CNTNAP5: variants seen among roughly 807,000 people sequenced by gnomAD.
The protein encoded by CNTNAP5 is contactin-associated protein-like 5.
CNTNAP5 carries 72 observed loss-of-function variants against 150.2 expected under a neutral mutation model. The observed-to-expected ratio is 0.48, with a 90% CI of 0.40 to 0.58. The LOEUF is 0.58. CNTNAP5 is among the 20% of genes least tolerant of loss of function. The probability of loss-of-function intolerance (pLI) is 0.00; values close to 1 mark genes in which losing one functional copy is unlikely to be tolerated. For synonymous variants in CNTNAP5, 672 were observed against 619.8 expected (o/e 1.08, Z -1.25); for missense variants, 1,636 against 1,626.2 (o/e 1.01, Z -0.10).
chr2:124,422,741 G>C (rs566978039), intron 4 of CNTNAP5, among the ~76,000 whole-genome samples: 2 of 152,258 alleles, frequency 1.3e-5, no homozygotes, highest in South Asian at 2.1e-4. Flanking sequence ...AGAGCTTCTG[G>C]GCTTGCATGC....
chr2:124,294,357 A>G (rs116453815), intron 3 of CNTNAP5, among the ~76,000 whole-genome samples: 2 of 148,622 alleles, frequency 1.3e-5, no homozygotes, highest in Admixed American at 1.3e-4. Flanking sequence ...TAAAACAGGA[A>G]TTTTTTTTTT....
intron 21 of CNTNAP5, among the ~76,000 whole-genome samples, chr2:124,900,186 G>A (rs1360596008): frequency 6.6e-6 from 1 of 151,364 alleles, no homozygotes; most frequent in Non-Finnish European, 1.5e-5. Context: ...ATAATTCTTC[G>A]ACAACAATTA....
At chr2:124,174,947 A>G (rs1243365118) in intron 1 of CNTNAP5, among the ~76,000 whole-genome samples, 4 of 152,228 alleles carry the variant, frequency 2.6e-5, no homozygotes, top group Non-Finnish European at 4.4e-5. Flanking sequence ...ACCCTCCACC[A>G]GCAAAAACGT....
rs145141467 is a variant in CNTNAP5, at chr2:124,398,871, A to G, written c.382-18572A>G. Among the ~76,000 whole-genome samples, 348 of 152,256 alleles carry G rather than the reference A, an allele frequency of 2.3e-3. 1 individual carries two copies. Among genetic ancestry groups the G allele is most frequent in the African/African-American group, 8.1e-3 (336 of 41,554 alleles). On this transcript the variant is annotated intron_variant, in intron 3 of 23. Transcript: ENST00000682447. ...CAAACAACTGTCTGGAGGCTATTGCAGTGATCCAGGAAGGACACGATGAAG... is the reference window on the plus strand; with the variant it reads ...CAAACAACTGTCTGGAGGCTATTGCGGTGATCCAGGAAGGACACGATGAAG...
chr2:124,315,217 T>A (rs942827746), intron 3 of CNTNAP5, among the ~76,000 whole-genome samples: 1 of 152,290 alleles, frequency 6.6e-6, no homozygotes, highest in South Asian at 2.1e-4. Context: ...TGTCAAGGCC[T>A]TCCAAAGTGC....
At chr2:124,299,215 T>C (rs936397119) in intron 3 of CNTNAP5, among the ~76,000 whole-genome samples, 1 of 152,182 alleles carries the variant, frequency 6.6e-6, no homozygotes, top group African/African-American at 2.4e-5. Context: ...CATATTTTTG[T>C]GGCTCCCCCA....
At chr2:124,657,698 C>G (rs968253759) in intron 13 of CNTNAP5, among the ~76,000 whole-genome samples, 1 of 152,214 alleles carries the variant, frequency 6.6e-6, no homozygotes, top group Admixed American at 6.5e-5. Context: ...AGCCACAGGC[C>G]TCTGCCAGCC....
intron 3 of CNTNAP5, among the ~76,000 whole-genome samples, chr2:124,396,936 G>T (rs747796608): frequency 6.6e-6 from 1 of 152,146 alleles, no homozygotes; most frequent in Non-Finnish European, 1.5e-5. Flanking sequence ...TGCAGAAAAA[G>T]GCCAGTCTTA....
chr2:124,386,726 A>C (rs1229054221), intron 3 of CNTNAP5, among the ~76,000 whole-genome samples: 1 of 146,678 alleles, frequency 6.8e-6, no homozygotes, highest in African/African-American at 2.5e-5. Context: ...GATTATTTCA[A>C]ATGTCTCCCC....
At chr2:124,707,176 A>AGAAGAAGAAGAT (rs1553433702) in intron 13 of CNTNAP5, among the ~76,000 whole-genome samples, 33 of 121,510 alleles carry the variant, frequency 2.7e-4, no homozygotes, top group Non-Finnish European at 4.4e-4. Context: ...AAGAAGAAGA[A>AGAAGAAGAAGAT]GAAGAAGAAG....
At chr2:124,494,879 A>G (rs544684752) in intron 7 of CNTNAP5, among the ~76,000 whole-genome samples, 2 of 152,354 alleles carry the variant, frequency 1.3e-5, no homozygotes, top group East Asian at 3.8e-4. Context: ...AAATAAATTC[A>G]CATACAGAAA....
At chr2:124,709,083 T>C (rs1470391727) in intron 13 of CNTNAP5, among the ~76,000 whole-genome samples, 2 of 152,092 alleles carry the variant, frequency 1.3e-5, no homozygotes, top group Non-Finnish European at 2.9e-5. Context: ...TTGTATTCCA[T>C]ATTTTTTCCT....
rs535359450 is a variant in CNTNAP5, at chr2:124,681,848, C to T, written c.2077+33890C>T. Among the ~76,000 whole-genome samples, 48 of 152,294 alleles carry T rather than the reference C, an allele frequency of 3.2e-4. 2 individuals carry two copies. The South Asian group carries it at 7.7e-3, about 24-fold the overall frequency. On this transcript the variant is annotated intron_variant, in intron 13 of 23. Coordinates refer to ENST00000682447, the MANE Select transcript of CNTNAP5 (RefSeq NM_001367498.1). Reference sequence around the variant, plus strand: ...AATTGCTGGGATTGCAGGCATGAACCACCATGCCAGGCCCTTGTTTTTGTT... The same window carrying T: ...AATTGCTGGGATTGCAGGCATGAACTACCATGCCAGGCCCTTGTTTTTGTT...
intron 3 of CNTNAP5, among the ~76,000 whole-genome samples, chr2:124,319,486 G>A (rs908287199): frequency 1.3e-5 from 2 of 152,174 alleles, no homozygotes; most frequent in Non-Finnish European, 2.9e-5. Flanking sequence ...TTTCAGTGTA[G>A]ACTGGGGTAT....
At chr2:124,043,559 A>G (rs1681446655) in intron 1 of CNTNAP5, among the ~76,000 whole-genome samples, 3 of 151,956 alleles carry the variant, frequency 2.0e-5, no homozygotes, top group Admixed American at 2.0e-4. Flanking sequence ...TTTCCCTTGG[A>G]CTTCCCATCA....
chr2:124,647,447 C>T lies in CNTNAP5; in HGVS notation c.1877-311C>T, dbSNP rs147994111. 5.8e-4 allele frequency among the ~76,000 whole-genome samples: 89 copies of T among 152,318 alleles called. 2 individuals are homozygous for T. In the East Asian group the frequency reaches 0.016, roughly 27 times the overall value. ...GCCTAATTTTCTTTCACATTTTCCT[C>T]ATTTTTGACATAGCGGTATTGCTTC... is the stretch of plus-strand genomic sequence containing the variant. On this transcript the variant is annotated intron_variant, in intron 12 of 23. Transcript: ENST00000682447.
intron 1 of CNTNAP5, among the ~76,000 whole-genome samples, chr2:124,166,042 A>T (rs1014822425): frequency 6.6e-6 from 1 of 152,164 alleles, no homozygotes; most frequent in African/African-American, 2.4e-5. Flanking sequence ...CTAAGACAGA[A>T]TATCATCTAG....
At chr2:124,428,818 T>G (rs985875495) in intron 4 of CNTNAP5, among the ~76,000 whole-genome samples, 2 of 152,100 alleles carry the variant, frequency 1.3e-5, no homozygotes, top group Admixed American at 6.6e-5. Context: ...GAAAGAAATC[T>G]CCACAAGTGT....
chr2:124,185,416 ATGTT>A (rs1469658635), intron 1 of CNTNAP5, among the ~76,000 whole-genome samples: 1 of 152,226 alleles, frequency 6.6e-6, no homozygotes, highest in Non-Finnish European at 1.5e-5. Flanking sequence ...CTCCTAATAA[ATGTT>A]TGATTATCAG....
Sources: allele counts gnomAD v4.1 joint callset (sites outside exome capture counted in the v4.1 genomes callset), GRCh38; gene constraint gnomAD v4.1.1; transcripts MANE v1.5; gene names NCBI Gene and HGNC (gene_info 2026-07-23, HGNC 2026-07-21).